The following NKAIN2 variants were observed in gnomAD, a reference collection of about 807,000 sequenced individuals.
NKAIN2 encodes sodium/potassium transporting ATPase interacting 2.
In NKAIN2, 14 loss-of-function variants were observed where a neutral mutation model predicts 32.6. That is an observed-to-expected ratio of 0.43 (90% CI 0.28 to 0.67). The LOEUF (loss-of-function observed/expected upper bound fraction) is 0.67, where lower values mean the gene tolerates loss of function less well. NKAIN2 is among the 30% of genes least tolerant of loss of function. The probability of loss-of-function intolerance (pLI) is 0.17; values close to 1 mark genes in which losing one functional copy is unlikely to be tolerated. For synonymous variants in NKAIN2, 80 were observed against 87.2 expected, an observed-to-expected ratio of 0.92 and a Z score of 0.46; for missense variants, 198 against 258.3, an observed-to-expected ratio of 0.77 and a Z score of 1.60.
chr6:124,524,478 T>A (rs1473949257), intron 3 of NKAIN2, among the ~76,000 whole-genome samples: 1 of 152,202 alleles, frequency 6.6e-6, no homozygotes, highest in East Asian at 1.9e-4. Flanking sequence ...AATAGTAACA[T>A]GTTCATAGTC....
chr6:124,231,497 C>T (rs1238115509), intron 1 of NKAIN2, among the ~76,000 whole-genome samples: 1 of 152,150 alleles, frequency 6.6e-6, no homozygotes, highest in African/African-American at 2.4e-5. Context: ...CCACCCAAAT[C>T]TTATCTTGAA....
At chr6:124,066,859 CG>C (rs1783208921) in intron 1 of NKAIN2, among the ~76,000 whole-genome samples, 1 of 65,628 alleles carries the variant, frequency 1.5e-5, no homozygotes, top group African/African-American at 6.4e-5. Context: ...CAATTTGCTG[CG>C]TTTGTGTGTG....
chr6:124,334,441 G>T (rs1797785732), intron 2 of NKAIN2, among the ~76,000 whole-genome samples: 1 of 152,128 alleles, frequency 6.6e-6, no homozygotes. Context: ...CGAAAATTTG[G>T]AGACTAAGGT....
chr6:124,047,664 C>A (rs1036900136), intron 1 of NKAIN2, among the ~76,000 whole-genome samples: 1 of 151,960 alleles, frequency 6.6e-6, no homozygotes, highest in Non-Finnish European at 1.5e-5. Context: ...TCAGCTCTGG[C>A]ACCCAGGATA....
intron 3 of NKAIN2, among the ~76,000 whole-genome samples, chr6:124,463,600 C>T (rs1250334379): frequency 2.0e-5 from 3 of 152,080 alleles, no homozygotes; most frequent in Non-Finnish European, 2.9e-5. Flanking sequence ...TTGCCAATGC[C>T]TTCTTCCCTC....
In NKAIN2 at chr6:124,344,416, C is replaced by A. The variant is rs1379354016; in HGVS notation, c.193-10851C>A. On this transcript the variant is annotated intron_variant, in intron 2 of 6. Transcript: ENST00000368417. Reference sequence around the variant, plus strand: ...GGATGGCATTGAATCTATAAATTACCTTGGGCAGTATGGCCATTTTCACGA... The same window carrying A: ...GGATGGCATTGAATCTATAAATTACATTGGGCAGTATGGCCATTTTCACGA... 5.9e-5 allele frequency among the ~76,000 whole-genome samples: 9 copies of A among 151,666 alleles called. No individual in the cohort carries two copies. In the South Asian group the frequency reaches 1.0e-3, roughly 18 times the overall value.
intron 1 of NKAIN2, among the ~76,000 whole-genome samples, chr6:124,063,133 C>T (rs944936251): frequency 5.3e-5 from 8 of 151,508 alleles, no homozygotes; most frequent in South Asian, 2.1e-4. Flanking sequence ...TGCAGTGAGC[C>T]GAGATCATGC....
intron 1 of NKAIN2, among the ~76,000 whole-genome samples, chr6:123,816,727 A>C (rs1221933533): frequency 6.6e-6 from 1 of 152,130 alleles, no homozygotes; most frequent in South Asian, 2.1e-4. Flanking sequence ...TTTGAGAATA[A>C]GGAGGTGGGT....
At chr6:124,186,319 A>G (rs1789740629) in intron 1 of NKAIN2, among the ~76,000 whole-genome samples, 1 of 152,064 alleles carries the variant, frequency 6.6e-6, no homozygotes, top group Non-Finnish European at 1.5e-5. Flanking sequence ...GGTGTATGCC[A>G]GTAGTCCTAG....
intron 1 of NKAIN2, among the ~76,000 whole-genome samples, chr6:124,250,169 C>G (rs920376527): frequency 6.6e-6 from 1 of 152,054 alleles, no homozygotes; most frequent in Non-Finnish European, 1.5e-5. Flanking sequence ...ATTTATAAAT[C>G]AGAACATGGG....
chr6:124,249,185 C>G (rs1793567058), intron 1 of NKAIN2, among the ~76,000 whole-genome samples: 2 of 152,094 alleles, frequency 1.3e-5, no homozygotes, highest in South Asian at 4.1e-4. Context: ...GCCACAATAC[C>G]TCTTTCAATG....
chr6:124,489,187 C>A (rs896391065), intron 3 of NKAIN2, among the ~76,000 whole-genome samples: 1 of 151,872 alleles, frequency 6.6e-6, no homozygotes, highest in East Asian at 1.9e-4. Context: ...ACATATTATG[C>A]TTTACAAACT....
At chr6:124,204,290 G>A (rs566917416) in intron 1 of NKAIN2, among the ~76,000 whole-genome samples, 1 of 151,862 alleles carries the variant, frequency 6.6e-6, no homozygotes, top group Admixed American at 6.6e-5. Flanking sequence ...TTGAAATTTG[G>A]TATAGGAATA....
At chr6:124,682,378 A>G (rs1301007125) in intron 4 of NKAIN2, among the ~76,000 whole-genome samples, 1 of 152,182 alleles carries the variant, frequency 6.6e-6, no homozygotes, top group East Asian at 1.9e-4. Flanking sequence ...GAAAAAGGTC[A>G]TGGTATTAAT....
At chr6:124,171,981 T>A (rs1788909788) in intron 1 of NKAIN2, among the ~76,000 whole-genome samples, 1 of 151,852 alleles carries the variant, frequency 6.6e-6, no homozygotes, top group Non-Finnish European at 1.5e-5. Context: ...CCCAGCTAAT[T>A]TTTTGTATTT....
intron 4 of NKAIN2, among the ~76,000 whole-genome samples, chr6:124,666,895 T>A (rs539855268): frequency 1.3e-5 from 2 of 152,280 alleles, no homozygotes; most frequent in South Asian, 2.1e-4. Context: ...AATGAGATAA[T>A]GTTTAAGAAA....
At chr6:124,263,853 A>G (rs1469374367) in intron 1 of NKAIN2, among the ~76,000 whole-genome samples, 2 of 152,146 alleles carry the variant, frequency 1.3e-5, no homozygotes, top group African/African-American at 4.8e-5. Flanking sequence ...TTAAAAAAAG[A>G]TTCAAATTTC....
chr6:123,839,206 T>C (rs1774760217), intron 1 of NKAIN2, among the ~76,000 whole-genome samples: 1 of 148,680 alleles, frequency 6.7e-6, no homozygotes, highest in Non-Finnish European at 1.5e-5. Context: ...GTCATTAAGG[T>C]ACTTCTAAAC....
intron 1 of NKAIN2, among the ~76,000 whole-genome samples, chr6:124,232,299 A>T (rs758040332): frequency 7.9e-5 from 12 of 152,208 alleles, no homozygotes; most frequent in Non-Finnish European, 1.6e-4. Flanking sequence ...ACTTGATTAG[A>T]AAAGGTTTGC....
Sources: allele counts gnomAD v4.1 joint callset (sites outside exome capture counted in the v4.1 genomes callset), GRCh38; gene constraint gnomAD v4.1.1; transcripts MANE v1.5; gene names NCBI Gene and HGNC (gene_info 2026-07-23, HGNC 2026-07-21).